The following PTPRT variants were observed in gnomAD, a reference collection of about 807,000 sequenced individuals.
PTPRT encodes receptor-type tyrosine-protein phosphatase T.
Under a neutral mutation model 176.8 loss-of-function variants are expected in PTPRT, and 56 were observed. The ratio of observed to expected loss-of-function variants is 0.32; its 90% CI spans 0.26 to 0.40. The LOEUF is 0.40. Ranked by LOEUF, PTPRT falls within the 10% of genes least tolerant of loss-of-function variation. The pLI, the probability that PTPRT is intolerant of heterozygous loss-of-function variation, is 1.00. For missense variants in PTPRT, 1,540 were observed against 1,908.2 expected (o/e 0.81, Z 3.60); for synonymous variants, 783 against 739.0 (o/e 1.06, Z -0.96).
At chr20:42,854,679 A>C (rs1250327151) in intron 2 of PTPRT, among the ~76,000 whole-genome samples, 2 of 152,332 alleles carry the variant, frequency 1.3e-5, no homozygotes, top group African/African-American at 2.4e-5. Context: ...GGGGGAAAAA[A>C]TTCTGAAATC....
chr20:42,280,942 C>T (rs1377586699), intron 13 of PTPRT, among the ~76,000 whole-genome samples: 1 of 152,100 alleles, frequency 6.6e-6, no homozygotes, highest in Non-Finnish European at 1.5e-5. Flanking sequence ...TCCTTAGAAT[C>T]CCACCTACCC....
At chr20:42,624,443 A>T (rs141079809) in intron 7 of PTPRT, among the ~76,000 whole-genome samples, 41 of 152,356 alleles carry the variant, frequency 2.7e-4, no homozygotes, top group African/African-American at 9.9e-4. Flanking sequence ...TAACATTGAA[A>T]GTAGCCCAAT....
chr20:42,878,951 T>A (rs1600509128), intron 2 of PTPRT, among the ~76,000 whole-genome samples: 1 of 151,778 alleles, frequency 6.6e-6, no homozygotes, highest in African/African-American at 2.4e-5. Flanking sequence ...ATGGCGTGAA[T>A]CTGGGAGGCG....
At chr20:43,006,460 C>CCTA (rs1187121772) in intron 1 of PTPRT, among the ~76,000 whole-genome samples, 1 of 152,132 alleles carries the variant, frequency 6.6e-6, no homozygotes, top group African/African-American at 2.4e-5. Context: ...CTCCAGTTCT[C>CCTA]CTGTATCTGC....
chr20:42,457,987 A>G (rs971762252), intron 8 of PTPRT, among the ~76,000 whole-genome samples: 1 of 152,048 alleles, frequency 6.6e-6, no homozygotes, highest in African/African-American at 2.4e-5. Flanking sequence ...ACCAGCTCCA[A>G]CGCCCACTCC....
intron 9 of PTPRT, among the ~76,000 whole-genome samples, chr20:42,440,376 C>T (rs1359105263): frequency 6.6e-6 from 1 of 152,078 alleles, no homozygotes; most frequent in African/African-American, 2.4e-5. Flanking sequence ...ATACATTTAT[C>T]CAAAGAATAT....
chr20:42,304,891 C>G (rs1208904559), intron 12 of PTPRT, among the ~76,000 whole-genome samples: 1 of 152,146 alleles, frequency 6.6e-6, no homozygotes, highest in Non-Finnish European at 1.5e-5. Flanking sequence ...ATGTATGCTT[C>G]CTTCAAGTAA....
At chr20:42,442,370 T>C (rs888682208) in intron 9 of PTPRT, among the ~76,000 whole-genome samples, 12 of 152,308 alleles carry the variant, frequency 7.9e-5, no homozygotes, top group Non-Finnish European at 1.3e-4. Flanking sequence ...CTCTGACCTA[T>C]TGTACCTTTT....
At chr20:42,559,498 T>G (rs2072915042) in intron 7 of PTPRT, among the ~76,000 whole-genome samples, 1 of 152,298 alleles carries the variant, frequency 6.6e-6, no homozygotes, top group East Asian at 1.9e-4. Flanking sequence ...TTCTAATACA[T>G]TCCAAGTTTC....
chr20:42,573,061 C>T (rs2073187555), intron 7 of PTPRT, among the ~76,000 whole-genome samples: 1 of 151,796 alleles, frequency 6.6e-6, no homozygotes, highest in South Asian at 2.1e-4. Flanking sequence ...ATGTCCAGCA[C>T]CTTAGCTCAA....
intron 6 of PTPRT, among the ~76,000 whole-genome samples, chr20:42,684,926 C>G (rs910233927): frequency 5.9e-5 from 9 of 152,178 alleles, no homozygotes; most frequent in Non-Finnish European, 5.9e-5. Context: ...TGCACACTTT[C>G]AGACACCTCT....
intron 8 of PTPRT, among the ~76,000 whole-genome samples, chr20:42,459,157 A>C (rs2070974483): frequency 6.6e-6 from 1 of 152,220 alleles, no homozygotes; most frequent in Non-Finnish European, 1.5e-5. Context: ...GCAGAACCTT[A>C]CTGTAGCCAA....
At chr20:42,922,968 C>T (rs552838488) in intron 1 of PTPRT, among the ~76,000 whole-genome samples, 56 of 152,234 alleles carry the variant, frequency 3.7e-4, no homozygotes, top group African/African-American at 1.3e-3. Context: ...TGGCATCCCA[C>T]CCCTGTGGTT....
intron 2 of PTPRT, among the ~76,000 whole-genome samples, chr20:42,847,079 G>C (rs1314970249): frequency 6.6e-6 from 1 of 152,174 alleles, no homozygotes; most frequent in Admixed American, 6.5e-5. Flanking sequence ...TTAATGCCTA[G>C]AGAATCAATC....
intron 6 of PTPRT, among the ~76,000 whole-genome samples, chr20:42,728,099 A>T (rs922038317): frequency 3.9e-5 from 6 of 152,120 alleles, no homozygotes; most frequent in Admixed American, 3.9e-4. Flanking sequence ...ATTGCCCATT[A>T]TGTTTGCTCT....
At position 42,885,868 on chromosome 20, in the gene PTPRT, C is replaced by A. The variant is rs752176112; in HGVS notation, c.153G>T (p.Gly51=). ...CGYSVALGTN[G]FTWEQINTWE... ...ATGTGTTAATCTGCTCCCAGGTGAA[C>A]CCATTGGTCCCTAGAGCCACACTAT... Residue 51 remains glycine (G), a synonymous_variant, in exon 2 of 31, where the codon GGG becomes GGT. Coordinates refer to ENST00000373187, the MANE Select transcript of PTPRT (RefSeq NM_007050.6). 1 of 1,611,006 alleles carries A rather than the reference C, an allele frequency of 6.2e-7. No homozygotes were observed. The highest frequency in any genetic ancestry group is 1.3e-5 in the African/African-American group (1 of 74,878).
chr20:42,739,335 CAG>C (rs1173080512), intron 6 of PTPRT, among the ~76,000 whole-genome samples: 1 of 151,638 alleles, frequency 6.6e-6, no homozygotes, highest in African/African-American at 2.4e-5. Context: ...GAAGGGAGAA[CAG>C]GGGAAGAGAG....
chr20:42,960,996 G>A (rs1366077824), intron 1 of PTPRT, among the ~76,000 whole-genome samples: 1 of 152,090 alleles, frequency 6.6e-6, no homozygotes, highest in Admixed American at 6.5e-5. Flanking sequence ...TGTATGAAAC[G>A]CCATTAAATT....
chr20:43,039,789 C>G (rs1986531259), intron 1 of PTPRT, among the ~76,000 whole-genome samples: 1 of 152,080 alleles, frequency 6.6e-6, no homozygotes, highest in Non-Finnish European at 1.5e-5. Context: ...ACCTGTAATC[C>G]CAGCACTTCA....
Sources: allele counts gnomAD v4.1 joint callset (sites outside exome capture counted in the v4.1 genomes callset), GRCh38; gene constraint gnomAD v4.1.1; transcripts MANE v1.5; gene names NCBI Gene and HGNC (gene_info 2026-07-23, HGNC 2026-07-21).